The following C4orf51 variants were observed in gnomAD, a reference collection of about 807,000 sequenced individuals.
C4orf51 encodes chromosome 4 open reading frame 51.
C4orf51 carries 25 observed loss-of-function variants against 25.2 expected under a neutral mutation model. That is an observed-to-expected ratio of 0.99 (90% CI 0.72 to 1.39). The LOEUF (loss-of-function observed/expected upper bound fraction) is 1.39. C4orf51 is among the 40% of genes most tolerant of loss of function. The pLI is 0.00. For synonymous variants in C4orf51, 100 were observed against 84.5 expected, an observed-to-expected ratio of 1.18 and a Z score of -1.01; for missense variants, 252 against 239.6, an observed-to-expected ratio of 1.05 and a Z score of -0.34.
chr4:145,720,132 G>A (rs1731651413), intron 2 of C4orf51, among the ~76,000 whole-genome samples: 1 of 152,152 alleles, frequency 6.6e-6, no homozygotes, highest in Admixed American at 6.5e-5. Flanking sequence ...TGCCTGAATA[G>A]AGGGAGGCTT....
chr4:145,752,455 C>T (rs907920761), intron 1 of C4orf51, among the ~76,000 whole-genome samples: 1 of 152,202 alleles, frequency 6.6e-6, no homozygotes, highest in Non-Finnish European at 1.5e-5. Context: ...GAGCTAGGGC[C>T]TGGAATCGGC....
intron 3 of C4orf51, among the ~76,000 whole-genome samples, chr4:145,728,933 A>G (rs1732264738): frequency 6.7e-6 from 1 of 149,574 alleles, no homozygotes; most frequent in South Asian, 2.1e-4. Flanking sequence ...TTTTTTTGAG[A>G]CAGGGTCTTG....
chr4:145,744,037 T>G (rs1733233906), intron 1 of C4orf51, among the ~76,000 whole-genome samples: 1 of 152,252 alleles, frequency 6.6e-6, no homozygotes, highest in African/African-American at 2.4e-5. Context: ...CACGCATTTC[T>G]TCTATTGGTT....
At chr4:145,752,692 GT>G (rs1733735049) in intron 1 of C4orf51, among the ~76,000 whole-genome samples, 1 of 152,150 alleles carries the variant, frequency 6.6e-6, no homozygotes, top group African/African-American at 2.4e-5. Flanking sequence ...AAGTTCACTG[GT>G]TTCAAGTCCA....
intron 1 of C4orf51, among the ~76,000 whole-genome samples, chr4:145,687,650 G>A (rs987508650): frequency 1.3e-5 from 2 of 152,190 alleles, no homozygotes; most frequent in Non-Finnish European, 2.9e-5. Flanking sequence ...GTCCAAAATT[G>A]TTTGAAAAGC....
intron 2 of C4orf51, among the ~76,000 whole-genome samples, chr4:145,702,308 C>T (rs2126707429): frequency 6.6e-6 from 1 of 151,902 alleles, no homozygotes; most frequent in Non-Finnish European, 1.5e-5. Flanking sequence ...CAATACCTCC[C>T]TCTACTACCC....
downstream of C4orf51, among the ~76,000 whole-genome samples, chr4:145,773,288 T>C (rs914940842): frequency 6.6e-6 from 1 of 152,196 alleles, no homozygotes; most frequent in Admixed American, 6.5e-5. Flanking sequence ...TGGCACCTTC[T>C]CACTTGGCAT....
At chr4:145,774,790 T>A, downstream of C4orf51, 1 of 1,159,552 alleles carries the variant, frequency 8.6e-7, no homozygotes, top group South Asian at 1.6e-5. Context: ...AACACATTTG[T>A]CTCTCCACCA....
chr4:145,780,573 G>A, the C4orf51 span, among the ~76,000 whole-genome samples: 1 of 152,004 alleles, frequency 6.6e-6, no homozygotes, highest in Non-Finnish European at 1.5e-5. Context: ...CTTATCCCTA[G>A]GATTACCTTT....
chr4:145,775,724 AG>A (rs1441918719), downstream of C4orf51: 2 of 1,586,244 alleles, frequency 1.3e-6, no homozygotes, highest in African/African-American at 2.7e-5. Context: ...CACAGCAGAC[AG>A]GTAGGAAGTG....
At chr4:145,789,419 A>G in the C4orf51 span, among the ~76,000 whole-genome samples, 3 of 152,260 alleles carry the variant, frequency 2.0e-5, no homozygotes, top group Non-Finnish European at 2.9e-5. Flanking sequence ...GTACATAATT[A>G]AAACAATAGC....
chr4:145,760,462 CT>C (rs1734327495), intron 1 of C4orf51: 2 of 154,772 alleles, frequency 1.3e-5, no homozygotes, highest in Admixed American at 1.3e-4. Context: ...GACAAGATTC[CT>C]TTCAGAGAAA....
chr4:145,756,988 G>T (rs566159735), downstream of C4orf51, among the ~76,000 whole-genome samples: 14 of 152,258 alleles, frequency 9.2e-5, no homozygotes, highest in East Asian at 2.7e-3. Flanking sequence ...AGTCTCTTCT[G>T]CTGCTTTATA....
At chr4:145,736,373 C>T (rs1308786112), downstream of C4orf51, among the ~76,000 whole-genome samples, 1 of 152,042 alleles carries the variant, frequency 6.6e-6, no homozygotes, top group Non-Finnish European at 1.5e-5. Context: ...CAGGATTTCA[C>T]AGGCCCTCAG....
rs1734508603 is a variant in C4orf51, at chr4:145,761,616, G to A, written n.167-9372G>A. 2.4e-6 allele frequency: 3 copies of A among 1,230,266 alleles called. No homozygotes were observed. The highest frequency in any genetic ancestry group is 1.5e-5 in the African/African-American group (1 of 64,820). 76.2% of individuals were successfully genotyped at this position (1,230,266 alleles called of 1,614,324 possible). ...ATGGGCACCTGCCGGGGAAAGCAAC[G>A]CAAGGGAGGTTCAGCCGGGAAGGTT... is the stretch of plus-strand genomic sequence containing the variant. On this transcript the variant is annotated intron_variant and non_coding_transcript_variant, in intron 1 of 1. Transcript: ENST00000510096. This position sits in a 1 kb window ranked among gnomAD's most constrained non-coding sequence, Gnocchi z 6.8.
At position 145,729,152 on chromosome 4, in the gene C4orf51, ATC is replaced by A. The variant is rs1560852281; in HGVS notation, c.367-12_367-11del. The A allele has an allele frequency of 6.5e-7, 1 of 1,548,094 alleles. No homozygotes were observed. On this transcript the variant is annotated splice_polypyrimidine_tract_variant and intron_variant, in intron 3 of 5. Transcript: ENST00000438731. ...ATGAAAGTGGTTGGTATTTATTTCT[ATC>A]TCTCCTTTTTATAGGCACATCAAAT... is the stretch of plus-strand genomic sequence containing the variant.
Position 145,765,668 on chromosome 4 carries a change from T to C in C4orf51, n.167-5320T>C, listed in dbSNP as rs748142852. ...CATCTGAATCATCTTTGCTGTTGGCTGAATCACTCAGAGCTGAGAGGGAGG... is the reference window on the plus strand; with the variant it reads ...CATCTGAATCATCTTTGCTGTTGGCCGAATCACTCAGAGCTGAGAGGGAGG... On this transcript the variant is annotated intron_variant and non_coding_transcript_variant, in intron 1 of 1. Coordinates refer to the C4orf51 transcript ENST00000510096. The surrounding 1 kb of genome is among the most constrained non-coding windows in gnomAD (Gnocchi z 4.7). The C allele has an allele frequency of 6.2e-7, 1 of 1,614,190 alleles. No individual in the cohort carries two copies. Among genetic ancestry groups the C allele is most frequent in the Admixed American group, 1.7e-5 (1 of 60,024 alleles).
intron 1 of C4orf51, chr4:145,770,958 T>C (rs926903570): frequency 1.3e-5 from 2 of 152,292 alleles, no homozygotes; most frequent in South Asian, 4.2e-4. Flanking sequence ...ACAGTGAGTA[T>C]TAATATCAAA....
the C4orf51 span, among the ~76,000 whole-genome samples, chr4:145,776,605 T>C: frequency 6.6e-6 from 1 of 150,942 alleles, no homozygotes; most frequent in African/African-American, 2.4e-5. Flanking sequence ...CAAGTGTGCA[T>C]GTCTGTTTGT....
Sources: gnomAD v4.1 joint callset for allele counts (sites outside exome capture counted in the v4.1 genomes callset) on GRCh38, gnomAD v4.1.1 for gene constraint, Gnocchi (gnomAD v3.1) non-coding constraint, MANE v1.5 for transcripts, NCBI Gene and HGNC (gene_info 2026-07-23, HGNC 2026-07-21) for gene names.